Variants in KAZN observed in about 807,000 individuals in gnomAD.
KAZN encodes the protein kazrin.
A neutral mutation model predicts 87.4 loss-of-function variants in KAZN; 40 were observed. The ratio of observed to expected loss-of-function variants is 0.46; its 90% CI spans 0.36 to 0.60. The LOEUF (loss-of-function observed/expected upper bound fraction) is 0.60. Ranked by LOEUF, KAZN falls within the 20% of genes least tolerant of loss-of-function variation. KAZN has a pLI of 0.00. For synonymous variants in KAZN, 466 were observed against 458.3 expected, an observed-to-expected ratio of 1.02 and a Z score of -0.22; for missense variants, 898 against 1,073.9, an observed-to-expected ratio of 0.84 and a Z score of 2.29.
At chr1:14,221,417 A>G (rs1223811204) in intron 2 of KAZN, among the ~76,000 whole-genome samples, 1 of 152,168 alleles carries the variant, frequency 6.6e-6, no homozygotes, top group Non-Finnish European at 1.5e-5. Flanking sequence ...TCTTAAAATC[A>G]TGATGTTTGC....
intron 2 of KAZN, among the ~76,000 whole-genome samples, chr1:14,368,898 T>C (rs1001617904): frequency 2.0e-5 from 3 of 152,180 alleles, no homozygotes; most frequent in African/African-American, 7.2e-5. Flanking sequence ...GTGCCCGTGT[T>C]AGGTAGTTCT....
rs1645675970 is a variant in KAZN at position 14,791,589 on chromosome 1, C to G, written c.227-169095C>G. On this transcript the variant is annotated intron_variant, in intron 1 of 14. Coordinates refer to ENST00000376030, the MANE Select transcript of KAZN (RefSeq NM_201628.3). Reference sequence around the variant, plus strand: ...TGCCTCTGGCCTCCCTGTCACCTCCCTCCACTTGCCCACAAAGTACCCAAT... The same window carrying G: ...TGCCTCTGGCCTCCCTGTCACCTCCGTCCACTTGCCCACAAAGTACCCAAT... Among the ~76,000 whole-genome samples the G allele has an allele frequency of 2.0e-5, 3 of 152,346 alleles. No homozygotes were observed. The South Asian group carries it at 6.2e-4, about 32-fold the overall frequency.
Position 14,659,881 on chromosome 1 carries a change from T to TA in KAZN, c.226+60671dup, listed in dbSNP as rs1039344560. Among the ~76,000 whole-genome samples, 181 of 140,092 alleles carry TA rather than the reference T, an allele frequency of 1.3e-3. 5 individuals carry two copies. The highest frequency in any genetic ancestry group is 1.5e-3 in the African/African-American group (57 of 37,996). The allele number at this position is 140,092 out of a possible 152,430, so 91.9% of individuals were successfully genotyped here. On this transcript the variant is annotated intron_variant, in intron 1 of 14. Coordinates refer to ENST00000376030, the MANE Select transcript of KAZN (RefSeq NM_201628.3). ...AATCTTCAAAACAATACACATTCTT[T>TA]AAAAAAAAAAAAAGAAAGCCAAACA...
At chr1:14,324,732 C>T (rs1471401598) in intron 2 of KAZN, among the ~76,000 whole-genome samples, 1 of 152,108 alleles carries the variant, frequency 6.6e-6, no homozygotes, top group African/African-American at 2.4e-5. Flanking sequence ...ACTCTTATGG[C>T]CTTCATGTTT....
chr1:14,650,032 C>CTT (rs34399319), intron 1 of KAZN, among the ~76,000 whole-genome samples: 28 of 88,338 alleles, frequency 3.2e-4, no homozygotes, highest in African/African-American at 6.4e-4. Context: ...CTCCACCCAT[C>CTT]TTTTTTTTTT....
intron 4 of KAZN, among the ~76,000 whole-genome samples, chr1:15,053,121 G>A (rs868577600): frequency 7.2e-5 from 11 of 152,324 alleles, no homozygotes; most frequent in Admixed American, 2.0e-4. Context: ...TATTTCTCCC[G>A]AGTCGCACTT....
At chr1:14,092,471 T>C (rs905138411) in intron 1 of KAZN, among the ~76,000 whole-genome samples, 27 of 150,294 alleles carry the variant, frequency 1.8e-4, no homozygotes, top group Admixed American at 3.3e-4. Flanking sequence ...TATATATATA[T>C]ACACACACAC....
chr1:14,088,903 A>C (rs1403202010), intron 1 of KAZN, among the ~76,000 whole-genome samples: 1 of 151,348 alleles, frequency 6.6e-6, no homozygotes, highest in Non-Finnish European at 1.5e-5. Context: ...TATCCCAGAT[A>C]ATATTCTCTG....
chr1:14,117,072 C>T (rs1318268503), intron 1 of KAZN, among the ~76,000 whole-genome samples: 2 of 152,130 alleles, frequency 1.3e-5, no homozygotes, highest in African/African-American at 4.8e-5. Context: ...AAGGGACTTG[C>T]CTTGTCTTGG....
intron 1 of KAZN, among the ~76,000 whole-genome samples, chr1:14,756,852 T>C (rs1286158787): frequency 6.6e-6 from 1 of 152,212 alleles, no homozygotes; most frequent in Non-Finnish European, 1.5e-5. Context: ...ATTTCAGTGC[T>C]GGAAAGAGGA....
At chr1:14,145,212 G>A (rs1005895363) in intron 1 of KAZN, among the ~76,000 whole-genome samples, 3 of 152,092 alleles carry the variant, frequency 2.0e-5, no homozygotes, top group Non-Finnish European at 4.4e-5. Flanking sequence ...GGAGGCCAAG[G>A]TGGGAGAGTC....
In KAZN at chr1:15,021,859, C is replaced by T. The variant is rs958830712; in HGVS notation, c.419-12890C>T. Among the ~76,000 whole-genome samples, 4 of 152,014 alleles carry T rather than the reference C, an allele frequency of 2.6e-5. No homozygotes were observed. Among genetic ancestry groups the T allele is most frequent in the South Asian group, 4.2e-4 (2 of 4,816 alleles). On this transcript the variant is annotated intron_variant, in intron 2 of 14. Transcript: ENST00000376030. This position sits in a 1 kb window ranked among gnomAD's most constrained non-coding sequence, Gnocchi z 4.2. Reference sequence around the variant, plus strand: ...TTCATGCTGCTGATAAAGACATACCCGAGACTAGGACATTTACAAAGAAAA... The same window carrying T: ...TTCATGCTGCTGATAAAGACATACCTGAGACTAGGACATTTACAAAGAAAA...
intron 1 of KAZN, among the ~76,000 whole-genome samples, chr1:14,085,620 T>C (rs750244955): frequency 2.6e-5 from 4 of 152,230 alleles, no homozygotes; most frequent in Non-Finnish European, 5.9e-5. Context: ...TTTCCATGGC[T>C]GTGTAATATT....
At chr1:14,231,335 G>T (rs1647810196) in intron 2 of KAZN, among the ~76,000 whole-genome samples, 2 of 152,128 alleles carry the variant, frequency 1.3e-5, no homozygotes, top group African/African-American at 4.8e-5. Flanking sequence ...ACAAGAATGT[G>T]CTATCTTCCC....
At chr1:14,955,145 G>A (rs998762910) in intron 1 of KAZN, among the ~76,000 whole-genome samples, 10 of 152,180 alleles carry the variant, frequency 6.6e-5, no homozygotes, top group African/African-American at 1.9e-4. Flanking sequence ...ACACAGCAAC[G>A]TAATCTTTCC....
chr1:13,959,114 CCT>C, intron 1 of KAZN, among the ~76,000 whole-genome samples: 1 of 152,146 alleles, frequency 6.6e-6, no homozygotes, highest in Non-Finnish European at 1.5e-5. Context: ...CCAAGTGATC[CCT>C]CTAGAAGCCC....
chr1:13,953,947 C>A (rs1056305354), intron 1 of KAZN, among the ~76,000 whole-genome samples: 3 of 152,190 alleles, frequency 2.0e-5, no homozygotes, highest in African/African-American at 7.2e-5. Flanking sequence ...TTAATTGAAT[C>A]CCCAAACCAT....
intron 1 of KAZN, among the ~76,000 whole-genome samples, chr1:14,846,058 T>C (rs1422716298): frequency 6.6e-6 from 1 of 152,160 alleles, no homozygotes; most frequent in Non-Finnish European, 1.5e-5. Flanking sequence ...AGGGGAAGCA[T>C]GGACTCTGTG....
chr1:14,409,697 A>G (rs920552247), intron 2 of KAZN, among the ~76,000 whole-genome samples: 2 of 152,190 alleles, frequency 1.3e-5, no homozygotes, highest in Non-Finnish European at 2.9e-5. Flanking sequence ...ATGAGCTTTC[A>G]ATCTCAAACT....
Sources: allele counts gnomAD v4.1 joint callset (sites outside exome capture counted in the v4.1 genomes callset), GRCh38; gene constraint gnomAD v4.1.1; non-coding constraint Gnocchi (gnomAD v3.1); transcripts MANE v1.5; gene names NCBI Gene and HGNC (gene_info 2026-07-23, HGNC 2026-07-21).